CFAP36: variants seen among roughly 807,000 people sequenced by gnomAD.
CFAP36 encodes cilia- and flagella-associated protein 36.
Under a neutral mutation model 50.5 loss-of-function variants are expected in CFAP36, and 37 were observed. The ratio of observed to expected loss-of-function variants is 0.73; its 90% confidence interval spans 0.56 to 0.96. The LOEUF (loss-of-function observed/expected upper bound fraction) is 0.96. Among genes scored for constraint, CFAP36 ranks in the 50% least tolerant of loss-of-function variants. The probability of loss-of-function intolerance (pLI) is 0.00; values close to 1 mark genes in which losing one functional copy is unlikely to be tolerated. For missense variants in CFAP36, 407 were observed against 396.2 expected, an observed-to-expected ratio of 1.03 and a Z score of -0.23; for synonymous variants, 138 against 128.2, an observed-to-expected ratio of 1.08 and a Z score of -0.52.
At chr2:55,525,596 C>T (rs911327171) in intron 3 of CFAP36, among the ~76,000 whole-genome samples, 1 of 152,016 alleles carries the variant, frequency 6.6e-6, no homozygotes, top group Non-Finnish European at 1.5e-5. Flanking sequence ...TTCTCCAATA[C>T]ATTATGTTCT....
intron 6 of CFAP36, 130 bp downstream of exon 6, chr2:55,535,893 C>A (rs770421172): frequency 7.2e-7 from 1 of 1,393,764 alleles, no homozygotes; most frequent in South Asian, 1.5e-5. Flanking sequence ...AAATATTGAC[C>A]AATAATATTA....
intron 4 of CFAP36, among the ~76,000 whole-genome samples, chr2:55,532,665 T>C (rs1684384003): frequency 6.6e-6 from 1 of 152,168 alleles, no homozygotes; most frequent in Admixed American, 6.5e-5. Context: ...TTTCTTACAA[T>C]TGCACTTACC....
intron 5 of CFAP36, 76 bp from the exon 6 acceptor site, chr2:55,535,636 A>G: frequency 9.4e-7 from 1 of 1,068,852 alleles, no homozygotes; most frequent in South Asian, 1.7e-5. Flanking sequence ...TTAGGTTAGC[A>G]TGTTGCTTAG....
chr2:55,532,556 A>G (rs1307658321), intron 4 of CFAP36, among the ~76,000 whole-genome samples: 3 of 152,242 alleles, frequency 2.0e-5, no homozygotes, highest in Admixed American at 2.0e-4. Flanking sequence ...GATTAGTTAG[A>G]TGTCAGTTTT....
At chr2:55,527,501 G>C (rs1684240446) in intron 3 of CFAP36, among the ~76,000 whole-genome samples, 1 of 152,142 alleles carries the variant, frequency 6.6e-6, no homozygotes. Context: ...AGAATCGCTT[G>C]AACCTGGGAG....
At chr2:55,532,222 A>G (rs938744421) in intron 4 of CFAP36, among the ~76,000 whole-genome samples, 1 of 151,802 alleles carries the variant, frequency 6.6e-6, no homozygotes, top group Non-Finnish European at 1.5e-5. Context: ...AAAAAAAAAG[A>G]AAAAGAAAAG....
chr2:55,528,013 C>CAA, intron 3 of CFAP36, among the ~76,000 whole-genome samples: 1 of 150,530 alleles, frequency 6.6e-6, no homozygotes, highest in East Asian at 2.1e-4. Flanking sequence ...CTATAAAATA[C>CAA]AAAAAAATTA....
chr2:55,528,038 T>C (rs1684255429), intron 3 of CFAP36, among the ~76,000 whole-genome samples: 1 of 151,210 alleles, frequency 6.6e-6, no homozygotes, highest in African/African-American at 2.4e-5. Flanking sequence ...GGTGATGTGG[T>C]ACACACCTTC....
intron 4 of CFAP36, among the ~76,000 whole-genome samples, chr2:55,530,779 A>G (rs1684333483): frequency 6.6e-6 from 1 of 152,122 alleles, no homozygotes; most frequent in African/African-American, 2.4e-5. Context: ...AGCTCAATAG[A>G]TTGCCATGAT....
At chr2:55,537,848 C>T (rs146028228) in intron 7 of CFAP36, among the ~76,000 whole-genome samples, 1 of 152,174 alleles carries the variant, frequency 6.6e-6, no homozygotes, top group Admixed American at 6.5e-5. Context: ...GAGTAACTAG[C>T]CTTTGTGCAT....
intron 3 of CFAP36, among the ~76,000 whole-genome samples, chr2:55,525,620 G>C (rs1161644050): frequency 6.8e-6 from 1 of 146,098 alleles, no homozygotes; most frequent in Non-Finnish European, 1.5e-5. Flanking sequence ...GCCATTCCAG[G>C]TAACTTGCTC....
Position 55,525,263 on chromosome 2 carries a change from A to T in CFAP36, c.282+1441A>T, listed in dbSNP as rs78445788. ...AGCCAGGGGTTCGAAACCAGCCTGG[A>T]CAACATAGTGAGACCCCATCTTTAA... is the stretch of plus-strand genomic sequence containing the variant. On this transcript the variant is annotated intron_variant, in intron 3 of 9. Transcript: ENST00000349456. Among the ~76,000 whole-genome samples, 127 of 152,262 alleles carry T rather than the reference A, an allele frequency of 8.3e-4. 1 individual carries two copies. The highest frequency in any genetic ancestry group is 2.4e-3 in the African/African-American group (101 of 41,552).
intron 7 of CFAP36, among the ~76,000 whole-genome samples, chr2:55,541,298 T>C (rs1281397721): frequency 6.6e-6 from 1 of 152,252 alleles, no homozygotes; most frequent in Non-Finnish European, 1.5e-5. Flanking sequence ...CACTCCAGCC[T>C]GGGCAACAAG....
At chr2:55,520,500 T>C (rs1203885231) in intron 1 of CFAP36, 1 of 1,525,774 alleles carries the variant, frequency 6.6e-7, no homozygotes, top group Admixed American at 2.2e-5. Flanking sequence ...TACTCTTCGC[T>C]ATACCAAAAA....
intron 1 of CFAP36, among the ~76,000 whole-genome samples, chr2:55,520,863 C>T (rs1171972396): frequency 1.3e-5 from 2 of 152,156 alleles, no homozygotes; most frequent in Non-Finnish European, 2.9e-5. Flanking sequence ...GGAAGTGTTT[C>T]ATGATAGAAT....
chr2:55,521,916 C>G (rs2103629997), intron 1 of CFAP36, among the ~76,000 whole-genome samples, 186 bp from the exon 2 acceptor site: 1 of 152,232 alleles, frequency 6.6e-6, no homozygotes, highest in South Asian at 2.1e-4. Flanking sequence ...AGGCATGAGC[C>G]ACAGTGCTCG....
chr2:55,522,243 AT>A, intron 2 of CFAP36, 77 bp downstream of exon 2: 1 of 744,678 alleles, frequency 1.3e-6, no homozygotes, highest in Non-Finnish European at 2.1e-6. Context: ...GAAGAAAAAT[AT>A]TTTTACATTA....
chr2:55,526,390 A>T (rs1381181480), intron 3 of CFAP36, among the ~76,000 whole-genome samples: 2 of 152,202 alleles, frequency 1.3e-5, no homozygotes, highest in East Asian at 3.8e-4. Flanking sequence ...CTTTTGCACA[A>T]CTTTTCATTT....
chr2:55,544,998 TTAA>T lies in CFAP36; in HGVS notation c.1023_1025del (p.Asn341del), dbSNP rs1416535302. On this transcript the variant is annotated inframe_deletion, in exon 10 of 10. Transcript: ENST00000349456. ...GCAGAGAAACTCAAAGAAGAAGTTA[TTAA>T]TAAGTAATAATTAAGAACAATTTAA... The T allele has an allele frequency of 1.3e-6, 2 of 1,553,862 alleles. No individual in the cohort carries two copies. The highest frequency in any genetic ancestry group is 2.7e-5 in the African/African-American group (2 of 72,810).
Sources: allele counts gnomAD v4.1 joint callset (sites outside exome capture counted in the v4.1 genomes callset), GRCh38; gene constraint gnomAD v4.1.1; transcripts MANE v1.5; gene names NCBI Gene and HGNC (gene_info 2026-07-23, HGNC 2026-07-21).